Variants in ADARB2 observed in about 807,000 individuals in gnomAD.
The protein encoded by ADARB2 is adenosine deaminase RNA specific B2 (inactive), also known as inactive double-stranded RNA-specific editase B2.
A neutral mutation model predicts 62.2 loss-of-function variants in ADARB2; 25 were observed. That is an observed-to-expected ratio of 0.40 (90% confidence interval 0.29 to 0.56). The LOEUF (loss-of-function observed/expected upper bound fraction) is 0.56. ADARB2 is among the 20% of genes least tolerant of loss of function. ADARB2 has a pLI of 0.43. For synonymous variants in ADARB2, 572 were observed against 500.8 expected (o/e 1.14, Z -1.90); for missense variants, 1,071 against 1,077.4 (o/e 0.99, Z 0.08).
intron 3 of ADARB2, among the ~76,000 whole-genome samples, chr10:1,287,772 A>G (rs1376599432): frequency 6.6e-6 from 1 of 152,244 alleles, no homozygotes; most frequent in Non-Finnish European, 1.5e-5. Context: ...ATTGGAAGCT[A>G]GAGTCTGAGG....
chr10:1,608,404 G>A (rs575957997), intron 1 of ADARB2, among the ~76,000 whole-genome samples: 1 of 151,918 alleles, frequency 6.6e-6, no homozygotes, highest in Non-Finnish European at 1.5e-5. Context: ...GTGCATGAAA[G>A]AACTCTACCA....
intron 1 of ADARB2, among the ~76,000 whole-genome samples, chr10:1,722,520 C>G (rs532286911): frequency 7.2e-4 from 109 of 152,280 alleles, no homozygotes; most frequent in African/African-American, 2.6e-3. Context: ...CCCGGTAACC[C>G]AAAGCATGAG....
intron 1 of ADARB2, among the ~76,000 whole-genome samples, chr10:1,730,544 A>G (rs1835217502): frequency 6.6e-6 from 1 of 152,238 alleles, no homozygotes; most frequent in African/African-American, 2.4e-5. Flanking sequence ...TTAAGTGTAC[A>G]CAGCTGAAAA....
At chr10:1,478,486 A>G (rs1010272370) in intron 1 of ADARB2, among the ~76,000 whole-genome samples, 1 of 152,216 alleles carries the variant, frequency 6.6e-6, no homozygotes, top group African/African-American at 2.4e-5. Context: ...AGACACAGAC[A>G]TTGTTGTTTG....
chr10:1,475,696 C>T (rs1426192462), intron 1 of ADARB2, among the ~76,000 whole-genome samples: 1 of 152,112 alleles, frequency 6.6e-6, no homozygotes, highest in Non-Finnish European at 1.5e-5. Flanking sequence ...ATTCTATGAA[C>T]GCTTGATGTG....
chr10:1,648,218 G>T (rs907875190), intron 1 of ADARB2, among the ~76,000 whole-genome samples: 4 of 152,180 alleles, frequency 2.6e-5, no homozygotes, highest in African/African-American at 9.7e-5. Context: ...TATCTGTGCT[G>T]CACTTTCCCC....
intron 1 of ADARB2, among the ~76,000 whole-genome samples, chr10:1,574,516 C>T (rs1237816412): frequency 6.6e-6 from 1 of 151,918 alleles, no homozygotes; most frequent in African/African-American, 2.4e-5. Context: ...GGTGAACAGA[C>T]ACTCCTGTTC....
At chr10:1,585,380 T>C (rs1253561619) in intron 1 of ADARB2, among the ~76,000 whole-genome samples, 1 of 152,100 alleles carries the variant, frequency 6.6e-6, no homozygotes, top group Non-Finnish European at 1.5e-5. Context: ...ATAAGATCGC[T>C]ACAAAGATAA....
intron 1 of ADARB2, among the ~76,000 whole-genome samples, chr10:1,453,369 A>G (rs980275346): frequency 6.6e-6 from 1 of 152,064 alleles, no homozygotes; most frequent in African/African-American, 2.4e-5. Context: ...CGCTTCCCCT[A>G]TGTTTTCTTC....
intron 1 of ADARB2, among the ~76,000 whole-genome samples, chr10:1,589,448 CGGGGTGTCCATGGTT>C (rs1460401349): frequency 2.0e-5 from 3 of 151,554 alleles, no homozygotes; most frequent in African/African-American, 7.3e-5. Flanking sequence ...TGTCCATGGT[CGGGGTGTCCATGGTT>C]GGGGTGTCCA....
intron 1 of ADARB2, among the ~76,000 whole-genome samples, chr10:1,695,006 G>A (rs1834721311): frequency 6.6e-6 from 1 of 152,198 alleles, no homozygotes; most frequent in African/African-American, 2.4e-5. Context: ...GTTCTCAGGG[G>A]CAGCGAGATG....
intron 3 of ADARB2, among the ~76,000 whole-genome samples, chr10:1,286,146 A>AGGGCTT (rs1451652245): frequency 6.6e-5 from 10 of 152,274 alleles, no homozygotes; most frequent in Non-Finnish European, 1.5e-4. Flanking sequence ...CAGATGGCAG[A>AGGGCTT]GGGACGCAGG....
intron 1 of ADARB2, among the ~76,000 whole-genome samples, chr10:1,421,689 G>A (rs1255572391): frequency 2.0e-5 from 3 of 152,138 alleles, no homozygotes; most frequent in East Asian, 1.9e-4. Context: ...GAGAGTCCAC[G>A]CTGTTAGTGT....
chr10:1,735,845 C>T (rs1283174867), intron 1 of ADARB2, among the ~76,000 whole-genome samples: 3 of 152,182 alleles, frequency 2.0e-5, no homozygotes, highest in Non-Finnish European at 4.4e-5. Flanking sequence ...TTTATGCCTG[C>T]TGACTGTCTG....
intron 1 of ADARB2, among the ~76,000 whole-genome samples, chr10:1,596,257 T>C (rs1279192902): frequency 2.0e-5 from 3 of 152,314 alleles, no homozygotes; most frequent in South Asian, 2.1e-4. Context: ...TGGGCATCAA[T>C]TGGAACATCA....
intron 7 of ADARB2, among the ~76,000 whole-genome samples, chr10:1,213,888 G>T (rs940747583): frequency 6.6e-6 from 1 of 152,048 alleles, no homozygotes; most frequent in African/African-American, 2.4e-5. Context: ...GTTTGCACCT[G>T]TGCCCGGACC....
intron 1 of ADARB2, among the ~76,000 whole-genome samples, chr10:1,731,643 A>T (rs1046153796): frequency 6.6e-6 from 1 of 152,210 alleles, no homozygotes. Context: ...TGTTTCTCTG[A>T]GTGGAGAAAA....
chr10:1,295,744 A>G (rs1332428784), intron 3 of ADARB2, among the ~76,000 whole-genome samples: 4 of 152,244 alleles, frequency 2.6e-5, no homozygotes, highest in Non-Finnish European at 5.9e-5. Context: ...CAGAATAATG[A>G]TAAATGGTTT....
At chr10:1,412,216 G>C (rs990965352) in intron 1 of ADARB2, among the ~76,000 whole-genome samples, 2 of 152,174 alleles carry the variant, frequency 1.3e-5, no homozygotes, top group Non-Finnish European at 2.9e-5. Context: ...CGAGCCCGGA[G>C]ACCTCGGGGC....
Sources: allele counts gnomAD v4.1 joint callset (sites outside exome capture counted in the v4.1 genomes callset), GRCh38; gene constraint gnomAD v4.1.1; transcripts MANE v1.5; gene names NCBI Gene and HGNC (gene_info 2026-07-23, HGNC 2026-07-21).